The following RTKN variants were observed in gnomAD, a reference collection of about 807,000 sequenced individuals.
The protein encoded by RTKN is rhotekin.
RTKN carries 49 observed loss-of-function variants against 63.5 expected under a neutral mutation model. The ratio of observed to expected loss-of-function variants is 0.77; its 90% confidence interval spans 0.61 to 0.98. RTKN has a LOEUF of 0.98. Ranked by LOEUF, RTKN falls within the 50% of genes least tolerant of loss-of-function variation. The pLI, the probability that RTKN is intolerant of heterozygous loss-of-function variation, is 0.00. For missense variants in RTKN, 685 were observed against 740.8 expected, an observed-to-expected ratio of 0.92 and a Z score of 0.87; for synonymous variants, 295 against 290.4, an observed-to-expected ratio of 1.02 and a Z score of -0.16.
chr2:74,441,708 C>G lies in RTKN; in HGVS notation c.109G>C (p.Glu37Gln). The change falls in exon 1 of 12, where the codon GAG becomes CAG. Residue 37 changes from glutamate to glutamine, a missense_variant and splice_region_variant. By Grantham distance (29) the Glu-to-Gln change is conservative (BLOSUM62 2). Transcript: ENST00000272430. ...FRLSLFSDLP[E>Q]DTELQRKLDH... is the part of the protein sequence containing the mutation. ...AGGCAGGGACGCGAGTCTCTCACCT[C>G]GGGCAGGTCGCTGAAGAGGCTGAGT... The G allele has an allele frequency of 6.2e-7, 1 of 1,608,210 alleles. No homozygotes were observed. The highest frequency in any genetic ancestry group is 8.5e-7 in the Non-Finnish European group (1 of 1,177,766).
Position 74,429,909 on chromosome 2 carries a change from G to C in RTKN, c.674C>G (p.Ser225Ter). The change falls in exon 6 of 12, where the codon TCA becomes TGA. Residue 225 changes from serine (S) to a stop codon, truncating the protein, a stop_gained. Transcript: ENST00000272430. LOFTEE classifies it high-confidence loss of function. ...CAGCGATGCCCGGACACGCCTCCCT[G>C]AGGAGCGGCCCAGGGAGCTGCTGAG... ...TKLSSSLGRS[S>*]GRRVRASLDS... 1 of 1,614,224 alleles carries C rather than the reference G, an allele frequency of 6.2e-7. No individual in the cohort carries two copies. Among genetic ancestry groups the C allele is most frequent in the African/African-American group, 1.3e-5 (1 of 75,066 alleles).
chr2:74,435,239 A>G (rs1028582479), intron 1 of RTKN, among the ~76,000 whole-genome samples: 1 of 152,178 alleles, frequency 6.6e-6, no homozygotes, highest in Non-Finnish European at 1.5e-5. Flanking sequence ...GGAGCCCTGG[A>G]GGTCCTGCTT....
At chr2:74,429,162 G>T (rs1670596321) in intron 6 of RTKN, among the ~76,000 whole-genome samples, 1 of 152,184 alleles carries the variant, frequency 6.6e-6, no homozygotes, top group South Asian at 2.1e-4. Context: ...AGCCCTGTGA[G>T]GTTGGTGGCA....
chr2:74,429,493 G>A (rs1408136018), intron 6 of RTKN, among the ~76,000 whole-genome samples: 3 of 152,192 alleles, frequency 2.0e-5, no homozygotes, highest in African/African-American at 7.2e-5. Flanking sequence ...GGGAGGCCGA[G>A]GCGGGAGGAT....
intron 1 of RTKN, among the ~76,000 whole-genome samples, chr2:74,438,286 C>A (rs965346839): frequency 6.6e-6 from 1 of 152,174 alleles, no homozygotes; most frequent in Non-Finnish European, 1.5e-5. Context: ...TCCAATCCAT[C>A]AGCAAATCCT....
At chr2:74,426,852 C>T (rs911660392) in intron 11 of RTKN, 26 of 1,334,224 alleles carry the variant, frequency 1.9e-5, no homozygotes, top group Non-Finnish European at 1.5e-5. Flanking sequence ...AAAATGAAAG[C>T]GGTGCCAGGC....
At chr2:74,426,634 CT>C in intron 11 of RTKN, 60 bp from the exon 12 acceptor site, 1 of 1,497,606 alleles carries the variant, frequency 6.7e-7, no homozygotes, top group Non-Finnish European at 8.9e-7. Flanking sequence ...GGCCCCAAGC[CT>C]ACCCAGCCCT....
chr2:74,434,735 C>T (rs557750106), intron 1 of RTKN, among the ~76,000 whole-genome samples: 1 of 152,150 alleles, frequency 6.6e-6, no homozygotes, highest in South Asian at 2.1e-4. Context: ...TTATATATAC[C>T]CTTTGTACTA....
At chr2:74,438,669 T>G (rs965398135) in intron 1 of RTKN, among the ~76,000 whole-genome samples, 22 of 152,188 alleles carry the variant, frequency 1.4e-4, no homozygotes, top group Admixed American at 1.1e-3. Flanking sequence ...GGCTCTCTCT[T>G]TCCCACAAAT....
chr2:74,428,825 C>G, intron 7 of RTKN, 23 bp downstream of exon 7: 1 of 1,598,834 alleles, frequency 6.3e-7, no homozygotes, highest in Non-Finnish European at 8.6e-7. Flanking sequence ...ATGTGTATGT[C>G]CCCCATGCAC....
chr2:74,428,771 G>T (rs924606469), intron 7 of RTKN, 34 bp from the exon 8 acceptor site: 2 of 1,606,366 alleles, frequency 1.2e-6, no homozygotes, highest in Non-Finnish European at 1.7e-6. Flanking sequence ...TGAGGTAGGG[G>T]AATGAGAAGG....
intron 2 of RTKN, 84 bp from the exon 3 acceptor site, chr2:74,430,761 G>C: frequency 7.4e-7 from 1 of 1,350,242 alleles, no homozygotes; most frequent in South Asian, 1.3e-5. Context: ...GGATCCCCCT[G>C]ATCCCAGCGC....
Position 74,428,717 on chromosome 2 carries a change from G to C in RTKN, c.871C>G (p.Pro291Ala). 6.2e-7 allele frequency: 1 copy of C among 1,613,970 alleles called. No homozygotes were observed. The highest frequency in any genetic ancestry group is 8.5e-7 in the Non-Finnish European group (1 of 1,179,944). The change falls in exon 8 of 12, where the codon CCC becomes GCC. Residue 291 changes from proline (P) to alanine (A), a missense_variant. Physicochemically the swap from Pro to Ala is conservative, Grantham distance 27. Coordinates refer to ENST00000272430, the MANE Select transcript of RTKN (RefSeq NM_001015055.2). ...CGGCAACACACGCTACCATAAAGGG[G>C]CAGCCAGGCAGGGTTCTCCTCTGGG... ...ASHEENPAWLPLYGSVCCRLA... is the reference protein window; with the variant it reads ...ASHEENPAWLALYGSVCCRLA...
chr2:74,440,150 G>T, intron 1 of RTKN: 1 of 428,050 alleles, frequency 2.3e-6, no homozygotes, highest in Non-Finnish European at 3.2e-6. Context: ...CATGGGGTTT[G>T]CAGGAGGTTG....
At position 74,427,020 on chromosome 2, in the gene RTKN, G is replaced by T. The variant is rs2103871802; in HGVS notation, c.1360+149C>A. 4.9e-6 allele frequency: 7 copies of T among 1,439,532 alleles called. No homozygotes were observed. In the South Asian group the frequency reaches 6.2e-5, roughly 13 times the overall value. The allele number at this position is 1,439,532 out of a possible 1,614,324, so 89.2% of individuals were successfully genotyped here. On this transcript the variant is annotated intron_variant, in intron 11 of 11. Coordinates refer to ENST00000272430, the MANE Select transcript of RTKN (RefSeq NM_001015055.2). Reference sequence around the variant, plus strand: ...CTAAAAAGAGTTGGAGAGGAGAAAAGAACACACAAGATTGGGTGAGACTTG... The same window carrying T: ...CTAAAAAGAGTTGGAGAGGAGAAAATAACACACAAGATTGGGTGAGACTTG...
chr2:74,439,939 G>C (rs11553074), intron 1 of RTKN: 23,506 of 1,189,200 alleles, frequency 0.02, 271 homozygotes, highest in Non-Finnish European at 0.022. Flanking sequence ...TCTAGGCACA[G>C]AGTGTCCAGT....
intron 1 of RTKN, among the ~76,000 whole-genome samples, chr2:74,437,769 T>C (rs1671136793): frequency 6.6e-6 from 1 of 152,222 alleles, no homozygotes; most frequent in African/African-American, 2.4e-5. Context: ...TCTCATGCAC[T>C]GATGGAGGAT....
intron 9 of RTKN, chr2:74,427,800 T>G: frequency 3.5e-6 from 2 of 571,820 alleles, no homozygotes; most frequent in South Asian, 4.7e-5. Context: ...AGGAGCAGCT[T>G]GAGACAGGGA....
chr2:74,431,368 A>C (rs1380525811), intron 2 of RTKN, among the ~76,000 whole-genome samples: 1 of 152,002 alleles, frequency 6.6e-6, no homozygotes, highest in South Asian at 2.1e-4. Flanking sequence ...CTCCCTGCCC[A>C]TCATCAGGAC....
Sources: allele counts gnomAD v4.1 joint callset (sites outside exome capture counted in the v4.1 genomes callset), GRCh38; gene constraint gnomAD v4.1.1; transcripts MANE v1.5; gene names NCBI Gene and HGNC (gene_info 2026-07-23, HGNC 2026-07-21).